The following SLC16A1 variants were observed in gnomAD, a reference collection of about 807,000 sequenced individuals.
SLC16A1 encodes monocarboxylate transporter 1.
A neutral mutation model predicts 32.2 loss-of-function variants in SLC16A1; 11 were observed. The ratio of observed to expected loss-of-function variants is 0.34; its 90% CI spans 0.21 to 0.56. The LOEUF (loss-of-function observed/expected upper bound fraction) is 0.56. SLC16A1 is among the 20% of genes least tolerant of loss of function. The pLI, the probability that SLC16A1 is intolerant of heterozygous loss-of-function variation, is 0.87. For synonymous variants in SLC16A1, 231 were observed against 226.8 expected (o/e 1.02, Z -0.17); for missense variants, 435 against 615.0 (o/e 0.71, Z 3.10).
At chr1:112,937,233 T>C (rs1254715990) in intron 1 of SLC16A1, among the ~76,000 whole-genome samples, 1 of 152,220 alleles carries the variant, frequency 6.6e-6, no homozygotes, top group Non-Finnish European at 1.5e-5. Context: ...CTGGACGTGA[T>C]TAAACTTTGA....
chr1:112,947,429 T>C (rs557055841), intron 1 of SLC16A1, among the ~76,000 whole-genome samples: 1 of 152,162 alleles, frequency 6.6e-6, no homozygotes, highest in Admixed American at 6.5e-5. Flanking sequence ...AGATGCCAAA[T>C]AGGGAGAATA....
At chr1:112,944,183 G>A (rs908601250) in intron 1 of SLC16A1, among the ~76,000 whole-genome samples, 1 of 152,168 alleles carries the variant, frequency 6.6e-6, no homozygotes, top group Non-Finnish European at 1.5e-5. Flanking sequence ...AGGTATGGTG[G>A]CTCACACCTG....
chr1:112,916,594 C>T (rs1648520337), intron 4 of SLC16A1, among the ~76,000 whole-genome samples: 1 of 148,856 alleles, frequency 6.7e-6, no homozygotes, highest in South Asian at 2.1e-4. Context: ...TGTTTTTCTA[C>T]ATGCTTTTCT....
intron 1 of SLC16A1, among the ~76,000 whole-genome samples, chr1:112,953,900 T>C (rs1352590365): frequency 6.6e-6 from 1 of 152,224 alleles, no homozygotes; most frequent in East Asian, 1.9e-4. Flanking sequence ...CAGGAACCTG[T>C]ACCCACCCTA....
intron 1 of SLC16A1, among the ~76,000 whole-genome samples, chr1:112,938,186 C>CT (rs1207578175): frequency 6.6e-6 from 1 of 152,126 alleles, no homozygotes; most frequent in African/African-American, 2.4e-5. Context: ...TATCTAAAAC[C>CT]AATAACCTTA....
chr1:112,922,086 T>C lies in SLC16A1; in HGVS notation c.265A>G (p.Met89Val), dbSNP rs770690677. The C allele has an allele frequency of 1.9e-6, 3 of 1,614,138 alleles. No homozygotes were observed. The highest frequency in any genetic ancestry group is 2.5e-6 in the Non-Finnish European group (3 of 1,180,034). The change falls in exon 3 of 5, where the codon ATG (methionine) becomes GTG (valine). Residue 89 changes from methionine to valine, a missense_variant. Coordinates refer to ENST00000369626, the MANE Select transcript of SLC16A1 (RefSeq NM_003051.4). ...LVNKYGSRIV[M>V]IVGGCLSGCG... The stretch of plus-strand genomic sequence containing the variant: ...CCTGACAAGCAGCCACCAACAATCA[T>C]GACTATACGACTTCCATATTTATTC...
chr1:112,922,801 A>T (rs553541625), intron 2 of SLC16A1, among the ~76,000 whole-genome samples: 3 of 152,030 alleles, frequency 2.0e-5, no homozygotes, highest in African/African-American at 7.2e-5. Flanking sequence ...AAACAAAAAC[A>T]TGTTAGTAGA....
chr1:112,920,308 A>G (rs891242525), intron 3 of SLC16A1, among the ~76,000 whole-genome samples: 2 of 152,122 alleles, frequency 1.3e-5, no homozygotes, highest in African/African-American at 4.8e-5. Context: ...CCCCGTCTCT[A>G]TTAAAAACAC....
intron 1 of SLC16A1, among the ~76,000 whole-genome samples, chr1:112,951,977 G>A (rs994110335): frequency 6.6e-6 from 1 of 152,048 alleles, no homozygotes; most frequent in African/African-American, 2.4e-5. Flanking sequence ...ATGAAAACAG[G>A]CTATTAGTGT....
intron 4 of SLC16A1, among the ~76,000 whole-genome samples, chr1:112,916,233 C>T (rs1452639942): frequency 1.8e-4 from 26 of 147,610 alleles, no homozygotes; most frequent in Admixed American, 6.1e-4. Flanking sequence ...GGCATGGTGG[C>T]TCATGCCTGT....
intron 1 of SLC16A1, among the ~76,000 whole-genome samples, chr1:112,937,706 T>C (rs1169174900): frequency 6.6e-6 from 1 of 152,202 alleles, no homozygotes; most frequent in Non-Finnish European, 1.5e-5. Context: ...CTTTGTATGC[T>C]AAAGCCCAGA....
At chr1:112,945,686 AG>A (rs1387599020) in intron 1 of SLC16A1, among the ~76,000 whole-genome samples, 7 of 147,016 alleles carry the variant, frequency 4.8e-5, no homozygotes, top group African/African-American at 1.5e-4. Flanking sequence ...AAAAAAAAAA[AG>A]AAAAAAAAAA....
At chr1:112,924,137 G>A in intron 2 of SLC16A1, 2 of 1,426,562 alleles carry the variant, frequency 1.4e-6, no homozygotes, top group Non-Finnish European at 2.0e-6. Flanking sequence ...CCCCCAGCAT[G>A]ACCTCGGCTG....
At chr1:112,924,886 C>A (rs370099795) in intron 2 of SLC16A1, among the ~76,000 whole-genome samples, 47 of 151,526 alleles carry the variant, frequency 3.1e-4, no homozygotes, top group East Asian at 7.8e-4. Flanking sequence ...AACAAACAAA[C>A]AAAAAAAACC....
intron 2 of SLC16A1, among the ~76,000 whole-genome samples, chr1:112,926,746 A>G (rs1648954365): frequency 6.6e-6 from 1 of 151,862 alleles, no homozygotes; most frequent in Non-Finnish European, 1.5e-5. Context: ...TGGTGGTGCA[A>G]GCCTGTAGTC....
At chr1:112,927,406 A>G (rs985900162) in intron 2 of SLC16A1, among the ~76,000 whole-genome samples, 5 of 152,192 alleles carry the variant, frequency 3.3e-5, no homozygotes, top group Non-Finnish European at 7.4e-5. Context: ...GCACTAAAAA[A>G]GAAAACAAAA....
intron 4 of SLC16A1, among the ~76,000 whole-genome samples, chr1:112,914,608 A>T (rs551828404): frequency 8.5e-5 from 13 of 152,342 alleles, no homozygotes; most frequent in African/African-American, 2.9e-4. Flanking sequence ...CTAAAAATTT[A>T]AAAGCAATAT....
At chr1:112,949,702 ATTTTT>A (rs1036500828) in intron 1 of SLC16A1, among the ~76,000 whole-genome samples, 3 of 150,660 alleles carry the variant, frequency 2.0e-5, no homozygotes, top group Non-Finnish European at 4.4e-5. Context: ...ATATAATTTT[ATTTTT>A]TTTTCTTAAA....
At chr1:112,947,241 T>C (rs1374192378) in intron 1 of SLC16A1, among the ~76,000 whole-genome samples, 3 of 152,236 alleles carry the variant, frequency 2.0e-5, no homozygotes, top group Non-Finnish European at 2.9e-5. Context: ...CCATTTAAAT[T>C]TATTAACACA....
Sources: allele counts gnomAD v4.1 joint callset (sites outside exome capture counted in the v4.1 genomes callset), GRCh38; gene constraint gnomAD v4.1.1; transcripts MANE v1.5; gene names NCBI Gene and HGNC (gene_info 2026-07-23, HGNC 2026-07-21).